The following RFX8 variants were observed in gnomAD, a reference collection of about 807,000 sequenced individuals.
The protein encoded by RFX8 is DNA-binding protein RFX8.
A neutral mutation model predicts 54.6 loss-of-function variants in RFX8; 46 were observed. The observed-to-expected ratio is 0.84, with a 90% CI of 0.67 to 1.08. RFX8 has a LOEUF of 1.08. Ranked by LOEUF, RFX8 falls within the 50% of genes least tolerant of loss-of-function variation. RFX8 has a pLI of 0.00. For missense variants in RFX8, 536 were observed against 562.3 expected (o/e 0.95, Z 0.47); for synonymous variants, 192 against 209.5 (o/e 0.92, Z 0.72).
intron 2 of RFX8, among the ~76,000 whole-genome samples, chr2:101,447,475 G>C (rs531875253): frequency 6.6e-6 from 1 of 152,266 alleles, no homozygotes; most frequent in African/African-American, 2.4e-5. Flanking sequence ...GTAAAAGTTT[G>C]CTCTTTGCTG....
Position 101,402,687 on chromosome 2 carries a change from C to G in RFX8, c.994G>C (p.Glu332Gln), listed in dbSNP as rs1353223013. ...ATGTCCTCCTCCTCCTCTTCCTCCT[C>G]TAGGCATGACTGAAGTATATGAATC... ...YMIHILQSCL[E>Q]EEEEEEDMGT... is the part of the protein sequence containing the mutation. Residue 332 changes from glutamate to glutamine, a missense_variant, in exon 11 of 12, where the codon GAG becomes CAG. Physicochemically the swap from Glu to Gln is conservative, Grantham distance 29 (BLOSUM62 2). Transcript: ENST00000428343. 6.4e-7 allele frequency: 1 copy of G among 1,554,690 alleles called. No individual in the cohort carries two copies. Among genetic ancestry groups the G allele is most frequent in the Non-Finnish European group, 8.7e-7 (1 of 1,148,330 alleles).
chr2:101,460,300 T>C (rs1689196907), intron 2 of RFX8, among the ~76,000 whole-genome samples: 1 of 139,634 alleles, frequency 7.2e-6, no homozygotes, highest in African/African-American at 2.8e-5. Context: ...CAGTTGGATA[T>C]GCAGAAATCA....
At chr2:101,441,128 G>A (rs1262131103) in intron 2 of RFX8, among the ~76,000 whole-genome samples, 3 of 152,108 alleles carry the variant, frequency 2.0e-5, no homozygotes, top group African/African-American at 7.2e-5. Flanking sequence ...CACCACGGCC[G>A]GCTAATTTTG....
At position 101,406,007 on chromosome 2, in the gene RFX8, CAGCTGGA is replaced by C; in HGVS notation, c.857_863del (p.Phe286Ter). 2 of 1,549,310 alleles carry C rather than the reference CAGCTGGA, an allele frequency of 1.3e-6. No homozygotes were observed. The highest frequency in any genetic ancestry group is 1.7e-6 in the Non-Finnish European group (2 of 1,145,960). On this transcript the variant is annotated frameshift_variant, in exon 10 of 12. Coordinates refer to ENST00000428343, the MANE Select transcript of RFX8 (RefSeq NM_001145664.2). LOFTEE classifies it high-confidence loss of function. ...CAGCAGTGAGAAGAAGATTCCATCT[CAGCTGGA>C]AGCTGGCGGCCAATTTGGTAAACTC...
At position 101,412,953 on chromosome 2, in the gene RFX8, C is replaced by T; in HGVS notation, c.680G>A (p.Ser227Asn). The stretch of plus-strand genomic sequence containing the variant: ...GTTGTTCTCCAGTTCATCTGCGCCA[C>T]TCCGGTCACTTGCCAGGGCTTTCTT... ...TSKKALASDR[S>N]GADELENNPE... Residue 227 changes from serine to asparagine, a missense_variant, in exon 8 of 12, where the codon AGT becomes AAT. By Grantham distance (46) the Ser-to-Asn change is conservative (BLOSUM62 1). Transcript: ENST00000428343. The T allele has an allele frequency of 1.3e-6, 2 of 1,551,820 alleles. No individual in the cohort carries two copies. The highest frequency in any genetic ancestry group is 1.7e-4 in the Middle Eastern group (1 of 5,994).
chr2:101,409,214 TTTTGTTTG>T (rs374275723), intron 9 of RFX8, among the ~76,000 whole-genome samples: 1 of 151,922 alleles, frequency 6.6e-6, no homozygotes, highest in African/African-American at 2.4e-5. Flanking sequence ...CTCTAGGTGT[TTTTGTTTG>T]TTTGTTTGTT....
chr2:101,437,779 GTTTTACTTAAATTCC>G, intron 2 of RFX8, among the ~76,000 whole-genome samples: 1 of 11,554 alleles, frequency 8.7e-5, no homozygotes, highest in Non-Finnish European at 5.0e-4. Flanking sequence ...AATTTCCCAA[GTTTTACTTAAATTCC>G]CCAAGTTTTA....
Position 101,445,072 on chromosome 2 carries a change from T to G in RFX8, c.72+21705A>C, listed in dbSNP as rs115273777. Among the ~76,000 whole-genome samples, 430 of 152,294 alleles carry G rather than the reference T, an allele frequency of 2.8e-3. 2 individuals are homozygous for G. The highest frequency in any genetic ancestry group is 5.0e-3 in the Non-Finnish European group (340 of 68,000). ...TGCTGCTTCTTGGGAGAATTAAAGT[T>G]ATTTAAGTCATTCATCTCAATGGGC... On this transcript the variant is annotated intron_variant, in intron 2 of 11. Coordinates refer to ENST00000428343, the MANE Select transcript of RFX8 (RefSeq NM_001145664.2).
chr2:101,410,418 CTT>C (rs2104543367), intron 9 of RFX8, among the ~76,000 whole-genome samples, 199 bp downstream of exon 9: 1 of 46,070 alleles, frequency 2.2e-5, no homozygotes, highest in East Asian at 6.9e-4. Context: ...CACACACACA[CTT>C]ATGTGATGTG....
chr2:101,410,642 G>T lies in RFX8; in HGVS notation c.790C>A (p.His264Asn). ...LRVFLSCLSS[H>N]LQAFVFQTSR... Reference sequence around the variant, plus strand: ...ACCTGGAACACAAATGCTTGGAGATGTGAAGACAGACAGCTGAGGAATACC... The same window carrying T: ...ACCTGGAACACAAATGCTTGGAGATTTGAAGACAGACAGCTGAGGAATACC... Residue 264 changes from histidine to asparagine, a missense_variant, in exon 9 of 12, where the codon CAT (histidine) becomes AAT (asparagine). His to Asn is a moderately conservative substitution (Grantham distance 68). Coordinates refer to ENST00000428343, the MANE Select transcript of RFX8 (RefSeq NM_001145664.2). The T allele has an allele frequency of 6.5e-7, 1 of 1,538,948 alleles. No homozygotes were observed. Among genetic ancestry groups the T allele is most frequent in the Non-Finnish European group, 8.8e-7 (1 of 1,136,438 alleles).
intron 2 of RFX8, among the ~76,000 whole-genome samples, chr2:101,428,368 T>C (rs895444317): frequency 7.9e-5 from 12 of 152,192 alleles, no homozygotes; most frequent in African/African-American, 2.4e-4. Flanking sequence ...GCTCCCTCTC[T>C]TTCCACCACG....
intron 2 of RFX8, among the ~76,000 whole-genome samples, chr2:101,445,827 C>T (rs991809199): frequency 1.3e-5 from 2 of 152,008 alleles, no homozygotes; most frequent in Non-Finnish European, 2.9e-5. Context: ...TAGAACAGGC[C>T]TGACTTATTG....
chr2:101,423,583 ATGACCCGCTCTC>A (rs1231067912), intron 2 of RFX8, among the ~76,000 whole-genome samples: 7 of 152,120 alleles, frequency 4.6e-5, no homozygotes, highest in Non-Finnish European at 1.0e-4. Context: ...CTCAAACCTC[ATGACCCGCTCTC>A]TGACCCTATA....
At chr2:101,403,321 G>A (rs1234915515) in intron 10 of RFX8, among the ~76,000 whole-genome samples, 1 of 152,210 alleles carries the variant, frequency 6.6e-6, no homozygotes, top group Non-Finnish European at 1.5e-5. Flanking sequence ...TCAGAGACAG[G>A]AGGGTATGTG....
At chr2:101,471,204 C>A (rs1269956644) in intron 1 of RFX8, among the ~76,000 whole-genome samples, 1 of 151,798 alleles carries the variant, frequency 6.6e-6, no homozygotes, top group Non-Finnish European at 1.5e-5. Flanking sequence ...CGCAGTGGTG[C>A]GTGCCTGTAA....
intron 4 of RFX8, among the ~76,000 whole-genome samples, chr2:101,420,631 G>T (rs546958795): frequency 6.6e-6 from 1 of 152,206 alleles, no homozygotes; most frequent in East Asian, 1.9e-4. Flanking sequence ...CATCATGCCC[G>T]TGAACATCAT....
At position 101,410,620 on chromosome 2, in the gene RFX8, TG is replaced by T; in HGVS notation, c.811del (p.Gln271ArgfsTer18). 6.7e-7 allele frequency: 1 copy of T among 1,496,100 alleles called. No homozygotes were observed. The highest frequency in any genetic ancestry group is 9.1e-7 in the Non-Finnish European group (1 of 1,101,414). 92.7% of individuals were successfully genotyped at this position (1,496,100 alleles called of 1,614,324 possible). ...TTTTTTTAAGTCACAGCTTCCTACCTGGAACACAAATGCTTGGAGATGTGAA... is the reference window on the plus strand; with the variant it reads ...TTTTTTTAAGTCACAGCTTCCTACCTGAACACAAATGCTTGGAGATGTGAA... Reference protein sequence around the residue: ...LSSHLQAFVFQTSRSKEEFTK... With the variant: ...LSSHLQAFVFXTSRSKEEFTK... On this transcript the variant is annotated frameshift_variant and splice_region_variant, in exon 9 of 12. Coordinates refer to ENST00000428343, the MANE Select transcript of RFX8 (RefSeq NM_001145664.2). LOFTEE classifies it high-confidence loss of function.
At chr2:101,426,255 T>G (rs1055212582) in intron 2 of RFX8, among the ~76,000 whole-genome samples, 10 of 149,718 alleles carry the variant, frequency 6.7e-5, no homozygotes, top group Non-Finnish European at 1.2e-4. Context: ...ATCCCAGAAC[T>G]TTTGGAGGCT....
At chr2:101,420,200 G>C (rs1686782435) in intron 4 of RFX8, among the ~76,000 whole-genome samples, 1 of 152,020 alleles carries the variant, frequency 6.6e-6, no homozygotes. Flanking sequence ...GCCCCTTCTG[G>C]CATCAGCCTA....
Sources: gnomAD v4.1 joint callset for allele counts (sites outside exome capture counted in the v4.1 genomes callset) on GRCh38, gnomAD v4.1.1 for gene constraint, MANE v1.5 for transcripts, NCBI Gene and HGNC (gene_info 2026-07-23, HGNC 2026-07-21) for gene names.